The following BRSK2 variants were observed in gnomAD, a reference collection of about 807,000 sequenced individuals.
BRSK2 encodes BR serine/threonine kinase 2, also known as serine/threonine-protein kinase BRSK2.
BRSK2 carries 19 observed loss-of-function variants against 83.3 expected under a neutral mutation model. The ratio of observed to expected loss-of-function variants is 0.23; its 90% CI spans 0.16 to 0.33. The LOEUF (loss-of-function observed/expected upper bound fraction) is 0.33. Ranked by LOEUF, BRSK2 falls within the 10% of genes least tolerant of loss-of-function variation. The pLI, the probability that BRSK2 is intolerant of heterozygous loss-of-function variation, is 1.00. For missense variants in BRSK2, 798 were observed against 1,042.3 expected, an observed-to-expected ratio of 0.77 and a Z score of 3.23; for synonymous variants, 519 against 435.4, an observed-to-expected ratio of 1.19 and a Z score of -2.39.
intron 1 of BRSK2, chr11:1,410,495 G>T (rs1847351562): frequency 1.0e-6 from 1 of 985,374 alleles, no homozygotes; most frequent in African/African-American, 1.7e-5. Context: ...TGTGCGATGG[G>T]TGCTGGGCCC....
intron 1 of BRSK2, among the ~76,000 whole-genome samples, chr11:1,433,826 C>T (rs1459300943): frequency 6.6e-6 from 1 of 152,222 alleles, no homozygotes; most frequent in Non-Finnish European, 1.5e-5. Context: ...ACCCCCCACC[C>T]CTGGCACTGG....
chr11:1,419,520 C>CT (rs533125251), intron 1 of BRSK2, among the ~76,000 whole-genome samples: 4 of 152,100 alleles, frequency 2.6e-5, no homozygotes, highest in South Asian at 4.1e-4. Context: ...TGTCTTAGAG[C>CT]TTTTTTTTGT....
chr11:1,459,474 G>C, intron 19 of BRSK2: 1 of 567,878 alleles, frequency 1.8e-6, no homozygotes, highest in Non-Finnish European at 3.2e-6. Context: ...CCAGGCCCTA[G>C]GATCAGGGCA....
intron 1 of BRSK2, among the ~76,000 whole-genome samples, chr11:1,434,453 C>T (rs1850015420): frequency 6.8e-6 from 1 of 146,868 alleles, no homozygotes. Flanking sequence ...TAATATGGGC[C>T]AGGATCTGCG....
At chr11:1,410,612 G>T (rs1026180616) in intron 1 of BRSK2, 14 of 985,270 alleles carry the variant, frequency 1.4e-5, no homozygotes, top group East Asian at 1.1e-4. Flanking sequence ...CCGAGTGCAG[G>T]GCTCACACTG....
chr11:1,454,510 A>G lies in BRSK2; in HGVS notation c.1570A>G (p.Asn524Asp). ...PELAKKSWFGNFISLEKEEQI... is the reference protein window; with the variant it reads ...PELAKKSWFGDFISLEKEEQI... ...GCTGGCGAAGAAGTCCTGGTTTGGG[A>G]ACTTCATCAGCCTGGAGAAGGAGGA... The change falls in exon 16 of 20, where the codon AAC becomes GAC. Residue 524 changes from asparagine (N) to aspartate (D), a missense_variant. Transcript: ENST00000528841. The surrounding 1 kb of genome is among the most constrained non-coding windows in gnomAD (Gnocchi z 5.2). The G allele has an allele frequency of 6.2e-7, 1 of 1,613,014 alleles. No individual in the cohort carries two copies. Among genetic ancestry groups the G allele is most frequent in the Non-Finnish European group, 8.5e-7 (1 of 1,179,908 alleles).
At chr11:1,413,921 G>A (rs887252547) in intron 1 of BRSK2, among the ~76,000 whole-genome samples, 32 of 152,170 alleles carry the variant, frequency 2.1e-4, no homozygotes, top group Admixed American at 7.2e-4. Flanking sequence ...TCTGCCTTCT[G>A]CCCCGAGGAA....
intron 1 of BRSK2, among the ~76,000 whole-genome samples, chr11:1,405,600 A>G (rs1846814351): frequency 6.6e-6 from 1 of 151,972 alleles, no homozygotes. Flanking sequence ...TGGGGGACCG[A>G]CCAGCGGCGC....
Position 1,454,515 on chromosome 11 carries a change from C to T in BRSK2, c.1575C>T (p.Phe525=). Residue 525 remains phenylalanine (F), a synonymous_variant, in exon 16 of 20, where the codon TTC becomes TTT. Transcript: ENST00000528841. This position sits in a 1 kb window ranked among gnomAD's most constrained non-coding sequence, Gnocchi z 5.2. ...CGAAGAAGTCCTGGTTTGGGAACTT[C>T]ATCAGCCTGGAGAAGGAGGAGCAGA... ...ELAKKSWFGN[F]ISLEKEEQIF... The T allele has an allele frequency of 1.2e-6, 2 of 1,613,244 alleles. No individual in the cohort carries two copies. Among genetic ancestry groups the T allele is most frequent in the Non-Finnish European group, 8.5e-7 (1 of 1,179,932 alleles).
chr11:1,412,821 G>A lies in BRSK2; in HGVS notation c.91+22446G>A, dbSNP rs543054500. On this transcript the variant is annotated intron_variant, in intron 1 of 19. Transcript: ENST00000528841. ...GCCCGTTGGATCACTAGCCCTGGCC[G>A]CACACAGCAACCCCGCGTCCCAGGC... Among the ~76,000 whole-genome samples the A allele has an allele frequency of 2.0e-4, 31 of 152,242 alleles. No homozygotes were observed. In the South Asian group the frequency reaches 2.7e-3, roughly 13 times the overall value.
At chr11:1,424,822 C>A (rs1044792203) in intron 1 of BRSK2, among the ~76,000 whole-genome samples, 10 of 128,364 alleles carry the variant, frequency 7.8e-5, no homozygotes, top group Middle Eastern at 7.2e-3. Context: ...GACCTACTGG[C>A]GGGGGGGCAG....
At chr11:1,427,031 A>C (rs1053633662) in intron 1 of BRSK2, among the ~76,000 whole-genome samples, 3 of 152,114 alleles carry the variant, frequency 2.0e-5, no homozygotes, top group Admixed American at 1.3e-4. Flanking sequence ...CCCAGTGCCA[A>C]CACTGCCACC....
chr11:1,408,784 T>G (rs2134094402), intron 1 of BRSK2, among the ~76,000 whole-genome samples: 1 of 35,292 alleles, frequency 2.8e-5, no homozygotes, highest in East Asian at 3.5e-4. Context: ...TGTGTTTGGC[T>G]GTGCAAGGGT....
At chr11:1,392,026 G>A (rs373681547) in intron 1 of BRSK2, among the ~76,000 whole-genome samples, 10 of 152,322 alleles carry the variant, frequency 6.6e-5, no homozygotes, top group Admixed American at 3.3e-4. Context: ...CAGCTCGAGG[G>A]GGGGCACAAA....
chr11:1,411,632 A>G, intron 1 of BRSK2: 1 of 1,546,100 alleles, frequency 6.5e-7, no homozygotes, highest in East Asian at 2.4e-5. Flanking sequence ...CCAGCCCAGC[A>G]GGTGCGTGCC....
At chr11:1,398,119 C>G (rs10766598) in intron 1 of BRSK2, among the ~76,000 whole-genome samples, 107,463 of 152,184 alleles carry the variant, frequency 0.71, 38,542 homozygotes, top group Non-Finnish European at 0.76. Flanking sequence ...CCAGGAATGT[C>G]GCCTCTGCGG....
At position 1,461,887 on chromosome 11, in the gene BRSK2, GTC is replaced by G. The variant is rs3833751; in HGVS notation, c.*1170_*1171del. 2.6e-5 allele frequency: 4 copies of G among 151,284 alleles called. No individual in the cohort carries two copies. In the East Asian group the frequency reaches 7.9e-4, roughly 30 times the overall value. The allele number at this position is 151,284 out of a possible 1,614,324, so 9.4% of individuals were successfully genotyped here. On this transcript the variant is annotated 3_prime_UTR_variant, in exon 20 of 20. Transcript: ENST00000528841. Reference sequence around the variant, plus strand: ...TGCGGCTCGCTCTGTCATGGGTTCCGTCTCTCTGTGGAGAAGCAGCTCCACCT... The same window carrying G: ...TGCGGCTCGCTCTGTCATGGGTTCCGTCTCTGTGGAGAAGCAGCTCCACCT...
chr11:1,458,474 T>C (rs1165760156), intron 18 of BRSK2, among the ~76,000 whole-genome samples: 1 of 151,870 alleles, frequency 6.6e-6, no homozygotes, highest in Admixed American at 6.6e-5. Context: ...CCTCCCACAC[T>C]GGATGCTTTT....
At chr11:1,449,216 A>T (rs60228498) in intron 12 of BRSK2, among the ~76,000 whole-genome samples, 5,099 of 152,224 alleles carry the variant, frequency 0.033, 214 homozygotes, top group African/African-American at 0.1. Flanking sequence ...CAGTGGTGGG[A>T]CAAGGCCCCA....
Sources: allele counts gnomAD v4.1 joint callset (sites outside exome capture counted in the v4.1 genomes callset), GRCh38; gene constraint gnomAD v4.1.1; non-coding constraint Gnocchi (gnomAD v3.1); transcripts MANE v1.5; gene names NCBI Gene and HGNC (gene_info 2026-07-23, HGNC 2026-07-21).